The following GRID2 variants were observed in gnomAD, a reference collection of about 807,000 sequenced individuals.
GRID2 encodes the protein glutamate ionotropic receptor delta type subunit 2.
GRID2 carries 33 observed loss-of-function variants against 114.8 expected under a neutral mutation model. The observed-to-expected ratio is 0.29, with a 90% CI of 0.22 to 0.38. The LOEUF is 0.38. Ranked by LOEUF, GRID2 falls within the 10% of genes least tolerant of loss-of-function variation. The pLI is 1.00. For missense variants in GRID2, 1,184 were observed against 1,257.7 expected (o/e 0.94, Z 0.89); for synonymous variants, 505 against 449.9 (o/e 1.12, Z -1.55).
intron 1 of GRID2, among the ~76,000 whole-genome samples, chr4:92,336,237 C>G (rs73839287): frequency 3.9e-5 from 6 of 152,206 alleles, no homozygotes; most frequent in African/African-American, 1.4e-4. Context: ...CCTTTTCTAA[C>G]CCCTTTTTCA....
intron 15 of GRID2, among the ~76,000 whole-genome samples, chr4:93,771,815 TC>T (rs1292171656): frequency 6.6e-6 from 1 of 152,190 alleles, no homozygotes; most frequent in East Asian, 1.9e-4. Context: ...TGCTTACATA[TC>T]TTTGTAGTTG....
chr4:92,896,606 C>T (rs1248925236), intron 2 of GRID2, among the ~76,000 whole-genome samples: 1 of 151,514 alleles, frequency 6.6e-6, no homozygotes, highest in Non-Finnish European at 1.5e-5. Flanking sequence ...GTCGAGAACA[C>T]ACCTTGCCTA....
intron 13 of GRID2, among the ~76,000 whole-genome samples, chr4:93,618,116 T>C (rs1741875481): frequency 6.6e-6 from 1 of 152,220 alleles, no homozygotes; most frequent in Non-Finnish European, 1.5e-5. Flanking sequence ...TAGCTCTTCC[T>C]ATTAAGCTTA....
intron 1 of GRID2, among the ~76,000 whole-genome samples, chr4:92,500,775 C>T (rs1723642690): frequency 6.6e-6 from 1 of 152,066 alleles, no homozygotes; most frequent in East Asian, 1.9e-4. Context: ...GCATTTCTAG[C>T]CTTAGGAATA....
intron 7 of GRID2, among the ~76,000 whole-genome samples, chr4:93,237,023 G>A (rs921073268): frequency 5.3e-5 from 8 of 151,790 alleles, no homozygotes; most frequent in Admixed American, 2.0e-4. Flanking sequence ...ATCTTCTGGG[G>A]TAGGCACTAT....
chr4:93,092,821 T>A (rs1730897843), intron 3 of GRID2, among the ~76,000 whole-genome samples: 1 of 151,958 alleles, frequency 6.6e-6, no homozygotes, highest in African/African-American at 2.4e-5. Flanking sequence ...GCAGTCATAA[T>A]GTGTATATAT....
intron 1 of GRID2, among the ~76,000 whole-genome samples, chr4:92,328,554 C>T (rs952833477): frequency 3.3e-5 from 5 of 151,966 alleles, no homozygotes; most frequent in South Asian, 2.1e-4. Flanking sequence ...TCACTAGAGA[C>T]GATAGATTGG....
chr4:93,571,548 C>T (rs1413103646), intron 13 of GRID2, among the ~76,000 whole-genome samples: 1 of 151,884 alleles, frequency 6.6e-6, no homozygotes, highest in African/African-American at 2.4e-5. Flanking sequence ...TTAGGCCCAA[C>T]CTAAAATTTT....
chr4:92,563,833 T>C (rs192454810), intron 1 of GRID2, among the ~76,000 whole-genome samples: 5 of 152,244 alleles, frequency 3.3e-5, no homozygotes, highest in African/African-American at 1.2e-4. Flanking sequence ...CTACACCTTC[T>C]CATGGACCCT....
At chr4:92,371,674 A>G (rs911069486) in intron 1 of GRID2, among the ~76,000 whole-genome samples, 3 of 152,158 alleles carry the variant, frequency 2.0e-5, no homozygotes, top group African/African-American at 7.2e-5. Context: ...ATGGAGATGT[A>G]CAAGGAGGTT....
intron 14 of GRID2, among the ~76,000 whole-genome samples, chr4:93,715,475 A>G (rs1016102961): frequency 1.3e-5 from 2 of 152,168 alleles, no homozygotes; most frequent in African/African-American, 4.8e-5. Flanking sequence ...AAGAATGTCA[A>G]TGGTAGTTTA....
chr4:92,464,430 A>C (rs1015208935), intron 1 of GRID2, among the ~76,000 whole-genome samples: 6 of 152,120 alleles, frequency 3.9e-5, no homozygotes, highest in African/African-American at 1.4e-4. Flanking sequence ...TACCAGAAGG[A>C]TTTTGAGTAG....
chr4:92,474,684 T>G (rs1026261480), intron 1 of GRID2, among the ~76,000 whole-genome samples: 3 of 152,042 alleles, frequency 2.0e-5, no homozygotes, highest in Admixed American at 1.3e-4. Context: ...CAGTTATATT[T>G]TTTCCTTATT....
At position 92,590,301 on chromosome 4, in the gene GRID2, A is replaced by T; in HGVS notation, c.244+15A>T. Reference sequence around the variant, plus strand: ...AGTTCAAGAAGGTAAGGTCATCAGTATTTATTTTGGTTTTTTGGTTCAATT... The same window carrying T: ...AGTTCAAGAAGGTAAGGTCATCAGTTTTTATTTTGGTTTTTTGGTTCAATT... On this transcript the variant is annotated intron_variant, in intron 2 of 15. Coordinates refer to ENST00000282020, the MANE Select transcript of GRID2 (RefSeq NM_001510.4). The T allele has an allele frequency of 6.3e-7, 1 of 1,583,466 alleles. No homozygotes were observed. The highest frequency in any genetic ancestry group is 8.6e-7 in the Non-Finnish European group (1 of 1,163,696).
chr4:92,757,939 A>G (rs1737812103), intron 2 of GRID2, among the ~76,000 whole-genome samples: 1 of 152,032 alleles, frequency 6.6e-6, no homozygotes, highest in South Asian at 2.1e-4. Flanking sequence ...AGTGGGGCAA[A>G]TTCCAAAAAA....
rs1726854633 is a variant in GRID2 at position 92,556,474 on chromosome 4, T to A, written c.89-33657T>A. On this transcript the variant is annotated intron_variant, in intron 1 of 15. Coordinates refer to ENST00000282020, the MANE Select transcript of GRID2 (RefSeq NM_001510.4). ...ATTGGATCATTTATTATTATTATTATTTTGCAGTGTATTAGTTAACTACTG... is the reference window on the plus strand; with the variant it reads ...ATTGGATCATTTATTATTATTATTAATTTGCAGTGTATTAGTTAACTACTG... Among the ~76,000 whole-genome samples the A allele has an allele frequency of 7.9e-5, 12 of 152,264 alleles. No homozygotes were observed. The South Asian group carries it at 2.3e-3, about 29-fold the overall frequency.
intron 1 of GRID2, among the ~76,000 whole-genome samples, chr4:92,305,483 G>C (rs1057087229): frequency 6.6e-6 from 1 of 152,168 alleles, no homozygotes; most frequent in Non-Finnish European, 1.5e-5. Flanking sequence ...GCGAATGCGC[G>C]CAGGCTGCTC....
chr4:92,816,654 G>GCAAA, intron 2 of GRID2, among the ~76,000 whole-genome samples: 1 of 152,056 alleles, frequency 6.6e-6, no homozygotes, highest in Non-Finnish European at 1.5e-5. Flanking sequence ...TACTAAAAGA[G>GCAAA]TTCTGGCATT....
At chr4:93,533,369 C>T (rs1226462982) in intron 13 of GRID2, among the ~76,000 whole-genome samples, 1 of 115,394 alleles carries the variant, frequency 8.7e-6, no homozygotes, top group Non-Finnish European at 1.8e-5. Context: ...CCTTACTTCT[C>T]TCTCTCTTTC....
Sources: allele counts gnomAD v4.1 joint callset (sites outside exome capture counted in the v4.1 genomes callset), GRCh38; gene constraint gnomAD v4.1.1; transcripts MANE v1.5; gene names NCBI Gene and HGNC (gene_info 2026-07-23, HGNC 2026-07-21).